ZFPM2: variants seen among roughly 807,000 people sequenced by gnomAD.
The protein encoded by ZFPM2 is zinc finger protein ZFPM2.
ZFPM2 carries 20 observed loss-of-function variants against 98.6 expected under a neutral mutation model. That is an observed-to-expected ratio of 0.20 (90% CI 0.14 to 0.29). The LOEUF (loss-of-function observed/expected upper bound fraction) is 0.29, where lower values mean the gene tolerates loss of function less well. ZFPM2 is among the 10% of genes least tolerant of loss of function. The probability of loss-of-function intolerance (pLI) is 1.00; values close to 1 mark genes in which losing one functional copy is unlikely to be tolerated. For synonymous variants in ZFPM2, 518 were observed against 502.7 expected (o/e 1.03, Z -0.41); for missense variants, 1,310 against 1,388.6 (o/e 0.94, Z 0.90).
intron 4 of ZFPM2, among the ~76,000 whole-genome samples, chr8:105,575,457 T>C (rs1408534938): frequency 6.6e-6 from 1 of 152,094 alleles, no homozygotes; most frequent in Non-Finnish European, 1.5e-5. Flanking sequence ...GAGTGGAGTG[T>C]GCTGTTTTGG....
intron 5 of ZFPM2, among the ~76,000 whole-genome samples, chr8:105,711,042 C>T (rs1180981111): frequency 6.6e-6 from 1 of 151,928 alleles, no homozygotes; most frequent in African/African-American, 2.4e-5. Context: ...CTTACACATA[C>T]TTGGTCATTA....
At chr8:105,482,598 T>C (rs1813142340) in intron 3 of ZFPM2, among the ~76,000 whole-genome samples, 1 of 152,168 alleles carries the variant, frequency 6.6e-6, no homozygotes, top group Non-Finnish European at 1.5e-5. Context: ...TTCTGTTTTT[T>C]AGTGGTTTTC....
At chr8:105,631,980 G>GA (rs1563750823) in intron 4 of ZFPM2, among the ~76,000 whole-genome samples, 1 of 152,022 alleles carries the variant, frequency 6.6e-6, no homozygotes, top group Non-Finnish European at 1.5e-5. Flanking sequence ...GATAATCTGG[G>GA]AAAAATAGGC....
At chr8:105,561,613 A>G (rs1484330890) in intron 4 of ZFPM2, 132 bp downstream of exon 4, 3 of 723,350 alleles carry the variant, frequency 4.1e-6, no homozygotes, top group Non-Finnish European at 6.7e-6. Context: ...TTTTTCGTGG[A>G]CAGCAAAACT....
At chr8:105,613,353 TAGAA>T (rs1816346031) in intron 4 of ZFPM2, among the ~76,000 whole-genome samples, 1 of 152,036 alleles carries the variant, frequency 6.6e-6, no homozygotes, top group Non-Finnish European at 1.5e-5. Flanking sequence ...AAGATCATTA[TAGAA>T]AATATGAGTA....
intron 1 of ZFPM2, among the ~76,000 whole-genome samples, chr8:105,403,592 G>A (rs191492273): frequency 1.3e-4 from 19 of 150,136 alleles, no homozygotes; most frequent in African/African-American, 4.4e-4. Context: ...TTTTTTTTCA[G>A]TCATTAGCAT....
intron 1 of ZFPM2, among the ~76,000 whole-genome samples, chr8:105,402,615 G>C (rs1398708886): frequency 1.3e-5 from 2 of 151,762 alleles, no homozygotes; most frequent in African/African-American, 4.8e-5. Flanking sequence ...GTAAAATTTA[G>C]TTCCTCTTTT....
intron 5 of ZFPM2, among the ~76,000 whole-genome samples, chr8:105,728,978 T>C (rs1324529090): frequency 6.6e-6 from 1 of 151,668 alleles, no homozygotes; most frequent in African/African-American, 2.4e-5. Flanking sequence ...TTTGAGTGTT[T>C]AGGTGCCTGT....
At chr8:105,550,325 G>A (rs1814821625) in intron 3 of ZFPM2, among the ~76,000 whole-genome samples, 1 of 152,138 alleles carries the variant, frequency 6.6e-6, no homozygotes, top group Non-Finnish European at 1.5e-5. Flanking sequence ...CTGCTGATAT[G>A]ATAGTGGGTT....
intron 5 of ZFPM2, among the ~76,000 whole-genome samples, chr8:105,697,404 C>T (rs1811045171): frequency 6.6e-6 from 1 of 152,092 alleles, no homozygotes; most frequent in Non-Finnish European, 1.5e-5. Context: ...AGCAGATTTA[C>T]AGATAGGTAA....
At chr8:105,462,772 C>A in intron 3 of ZFPM2, among the ~76,000 whole-genome samples, 1 of 152,088 alleles carries the variant, frequency 6.6e-6, no homozygotes, top group East Asian at 1.9e-4. Flanking sequence ...TTGCTTCAAC[C>A]TTGTGTCTTC....
intron 5 of ZFPM2, chr8:105,785,328 C>CACACACA (rs1563563042): frequency 6.8e-6 from 1 of 146,870 alleles, no homozygotes; most frequent in African/African-American, 2.8e-5. Context: ...ACACACAACA[C>CACACACA]ACACACACGC....
chr8:105,692,421 T>C (rs1318818217), intron 5 of ZFPM2, among the ~76,000 whole-genome samples: 1 of 152,158 alleles, frequency 6.6e-6, no homozygotes, highest in Non-Finnish European at 1.5e-5. Flanking sequence ...GATGTGCAAA[T>C]ACATAAAAAT....
chr8:105,625,171 C>T (rs528435123), intron 4 of ZFPM2, among the ~76,000 whole-genome samples: 2 of 152,116 alleles, frequency 1.3e-5, no homozygotes, highest in Non-Finnish European at 2.9e-5. Flanking sequence ...CCCACTTGTC[C>T]TTTTCACATA....
At chr8:105,458,480 G>A (rs2130289784) in intron 3 of ZFPM2, among the ~76,000 whole-genome samples, 1 of 152,100 alleles carries the variant, frequency 6.6e-6, no homozygotes, top group African/African-American at 2.4e-5. Flanking sequence ...AATGAAGATT[G>A]TTACATTTTT....
chr8:105,328,757 A>G (rs1413831799), intron 1 of ZFPM2, among the ~76,000 whole-genome samples: 1 of 151,828 alleles, frequency 6.6e-6, no homozygotes, highest in Non-Finnish European at 1.5e-5. Flanking sequence ...CTCTTCTTGA[A>G]GTGACATTCT....
intron 3 of ZFPM2, among the ~76,000 whole-genome samples, chr8:105,477,063 A>C: frequency 6.6e-6 from 1 of 152,102 alleles, no homozygotes; most frequent in East Asian, 1.9e-4. Flanking sequence ...TGTTTATAGT[A>C]ATAAAAACAT....
chr8:105,701,228 T>C (rs1164863477), intron 5 of ZFPM2, among the ~76,000 whole-genome samples: 4 of 152,194 alleles, frequency 2.6e-5, no homozygotes, highest in Admixed American at 2.0e-4. Context: ...CTATATTCTG[T>C]TAGGATTTTC....
chr8:105,612,078 C>T (rs16873440), intron 4 of ZFPM2, among the ~76,000 whole-genome samples: 1,812 of 152,184 alleles, frequency 0.012, 30 homozygotes, highest in African/African-American at 0.041. Flanking sequence ...TATAATCCAA[C>T]CTTGAGACTT....
Sources: gnomAD v4.1 joint callset for allele counts (sites outside exome capture counted in the v4.1 genomes callset) on GRCh38, gnomAD v4.1.1 for gene constraint, MANE v1.5 for transcripts, NCBI Gene and HGNC (gene_info 2026-07-23, HGNC 2026-07-21) for gene names.